The following LAMA2 variants were observed in gnomAD, a reference collection of about 807,000 sequenced individuals.
LAMA2 encodes the protein laminin subunit alpha 2, also known as laminin subunit alpha-2.
Under a neutral mutation model 364.8 loss-of-function variants are expected in LAMA2, and 269 were observed. The ratio of observed to expected loss-of-function variants is 0.74; its 90% CI spans 0.67 to 0.82. The LOEUF (loss-of-function observed/expected upper bound fraction) is 0.82, where lower values mean the gene tolerates loss of function less well. Ranked by LOEUF, LAMA2 falls within the 40% of genes least tolerant of loss-of-function variation. LAMA2 has a pLI of 0.00. For synonymous variants in LAMA2, 1,379 were observed against 1,370.6 expected (o/e 1.01, Z -0.14); for missense variants, 3,807 against 3,873.2 (o/e 0.98, Z 0.45).
chr6:129,391,498 T>A lies in LAMA2; in HGVS notation c.5079T>A (p.Asn1693Lys), dbSNP rs752400396. Residue 1693 changes from asparagine (N) to lysine (K), a missense_variant, in exon 36 of 65, where the codon AAT (asparagine) becomes AAA (lysine). Coordinates refer to ENST00000421865, the MANE Select transcript of LAMA2 (RefSeq NM_000426.4). ...TTGTTTTACCCCCTGCAGCTGTAAA[T>A]GAAAAAGCTATAAAACTAAATGAAA... ...KELARDAEAV[N>K]EKAIKLNETL... 7.4e-6 allele frequency: 12 copies of A among 1,613,482 alleles called. No individual in the cohort carries two copies. Among genetic ancestry groups the A allele is most frequent in the African/African-American group, 1.3e-5 (1 of 74,882 alleles).
intron 4 of LAMA2, among the ~76,000 whole-genome samples, chr6:129,140,604 C>G (rs1282703981): frequency 6.6e-6 from 1 of 152,084 alleles, no homozygotes; most frequent in Non-Finnish European, 1.5e-5. Context: ...TCCTTGAAGA[C>G]AGATACCACC....
chr6:129,440,173 G>A (rs892269174), intron 42 of LAMA2, among the ~76,000 whole-genome samples: 1 of 151,712 alleles, frequency 6.6e-6, no homozygotes, highest in Non-Finnish European at 1.5e-5. Context: ...ATACACACTA[G>A]TAGTCATCTA....
At chr6:129,221,375 A>G (rs1471486796) in intron 12 of LAMA2, among the ~76,000 whole-genome samples, 1 of 149,296 alleles carries the variant, frequency 6.7e-6, no homozygotes, top group Non-Finnish European at 1.5e-5. Context: ...ATAAAATAAT[A>G]AGGAAAGGCC....
At chr6:129,314,943 C>A in intron 24 of LAMA2, 145 bp downstream of exon 24, 1 of 794,400 alleles carries the variant, frequency 1.3e-6, no homozygotes, top group Non-Finnish European at 2.2e-6. Flanking sequence ...GCAAAGGGGT[C>A]ACGTGCCATT....
intron 12 of LAMA2, among the ~76,000 whole-genome samples, chr6:129,230,458 C>T (rs1784610788): frequency 1.3e-5 from 2 of 152,096 alleles, no homozygotes; most frequent in East Asian, 3.9e-4. Context: ...AAAATAAGGG[C>T]ATAGATACTT....
chr6:129,344,805 G>C (rs1776453514), intron 30 of LAMA2, among the ~76,000 whole-genome samples: 1 of 152,196 alleles, frequency 6.6e-6, no homozygotes, highest in African/African-American at 2.4e-5. Flanking sequence ...GCTCTCACAA[G>C]GGAGACCCAA....
chr6:129,249,509 T>C (rs1410013665), intron 12 of LAMA2, among the ~76,000 whole-genome samples: 1 of 152,214 alleles, frequency 6.6e-6, no homozygotes, highest in Non-Finnish European at 1.5e-5. Flanking sequence ...AAGAGGATAA[T>C]ATTTATTCAA....
intron 40 of LAMA2, among the ~76,000 whole-genome samples, chr6:129,414,016 A>G (rs894074829): frequency 3.3e-5 from 5 of 152,114 alleles, no homozygotes; most frequent in African/African-American, 1.2e-4. Flanking sequence ...ACACAAATGA[A>G]TAGGATCAAG....
At chr6:128,914,299 G>A (rs1778166777) in intron 1 of LAMA2, among the ~76,000 whole-genome samples, 1 of 152,080 alleles carries the variant, frequency 6.6e-6, no homozygotes, top group Non-Finnish European at 1.5e-5. Context: ...GTGCAAACAG[G>A]GAGATAAATG....
intron 3 of LAMA2, among the ~76,000 whole-genome samples, chr6:129,091,326 C>A (rs1018833216): frequency 2.0e-5 from 3 of 152,160 alleles, no homozygotes; most frequent in African/African-American, 7.2e-5. Flanking sequence ...TATCATTAGT[C>A]ATCCAGTTAG....
chr6:129,047,182 T>C (rs1453661764), intron 1 of LAMA2, among the ~76,000 whole-genome samples: 1 of 151,972 alleles, frequency 6.6e-6, no homozygotes, highest in Non-Finnish European at 1.5e-5. Context: ...GCTTATATCA[T>C]GGAAAAGATA....
chr6:129,513,040 A>G (rs1248737549), intron 63 of LAMA2, among the ~76,000 whole-genome samples: 2 of 152,210 alleles, frequency 1.3e-5, no homozygotes, highest in African/African-American at 4.8e-5. Context: ...CAAATTCTAA[A>G]CACCTCTTTC....
At chr6:129,363,801 C>A (rs1391043947) in intron 32 of LAMA2, among the ~76,000 whole-genome samples, 1 of 152,200 alleles carries the variant, frequency 6.6e-6, no homozygotes, top group South Asian at 2.1e-4. Flanking sequence ...GAGAACCAGA[C>A]TGTGGATCTT....
At chr6:129,387,051 GA>G (rs1029054536) in intron 35 of LAMA2, among the ~76,000 whole-genome samples, 78 of 142,908 alleles carry the variant, frequency 5.5e-4, no homozygotes, top group East Asian at 2.2e-3. Context: ...TATCCAACTG[GA>G]AAAAAAAAAA....
chr6:129,436,165 G>C (rs1310396968), intron 41 of LAMA2, among the ~76,000 whole-genome samples: 1 of 152,054 alleles, frequency 6.6e-6, no homozygotes, highest in African/African-American at 2.4e-5. Context: ...CAGCACAACC[G>C]GGTATAAAAT....
At position 129,261,554 on chromosome 6, in the gene LAMA2, C is replaced by T. The variant is rs566192162; in HGVS notation, c.2208+732C>T. Among the ~76,000 whole-genome samples the T allele has an allele frequency of 9.2e-5, 14 of 152,190 alleles. No individual in the cohort carries two copies. In the South Asian group the frequency reaches 2.9e-3, roughly 32 times the overall value. On this transcript the variant is annotated intron_variant, in intron 15 of 64. Coordinates refer to ENST00000421865, the MANE Select transcript of LAMA2 (RefSeq NM_000426.4). ...GGTCAAAAAATGTGAACACTATTTC[C>T]TTGACAGAGCGCATGGCTAGCAGAT...
chr6:129,104,671 C>T (rs567436097), intron 4 of LAMA2, among the ~76,000 whole-genome samples: 2 of 152,260 alleles, frequency 1.3e-5, no homozygotes, highest in East Asian at 3.9e-4. Context: ...CTTATGGCCT[C>T]TTTAATCTTA....
At chr6:129,366,180 T>G in intron 32 of LAMA2, 39 bp from the exon 33 acceptor site, 1 of 1,607,932 alleles carries the variant, frequency 6.2e-7, no homozygotes. Flanking sequence ...CTGGGATGTT[T>G]AGCAGAAGTA....
chr6:129,488,375 G>C (rs1301677974), intron 56 of LAMA2, among the ~76,000 whole-genome samples: 1 of 152,174 alleles, frequency 6.6e-6, no homozygotes, highest in African/African-American at 2.4e-5. Flanking sequence ...CTGCAGATTT[G>C]AGAAATTAGT....
Sources: gnomAD v4.1 joint callset for allele counts (sites outside exome capture counted in the v4.1 genomes callset) on GRCh38, gnomAD v4.1.1 for gene constraint, MANE v1.5 for transcripts, NCBI Gene and HGNC (gene_info 2026-07-23, HGNC 2026-07-21) for gene names.